PLXNA2: variants seen among roughly 807,000 people sequenced by gnomAD.
The protein encoded by PLXNA2 is plexin A2.
In PLXNA2, 91 loss-of-function variants were observed where a neutral mutation model predicts 193.5. The ratio of observed to expected loss-of-function variants is 0.47; its 90% CI spans 0.40 to 0.56. The LOEUF (loss-of-function observed/expected upper bound fraction) is 0.56. PLXNA2 is among the 20% of genes least tolerant of loss of function. The pLI is 0.00. For synonymous variants in PLXNA2, 997 were observed against 1,027.3 expected (o/e 0.97, Z 0.56); for missense variants, 1,995 against 2,503.2 (o/e 0.80, Z 4.33).
chr1:208,114,294 C>G (rs1477267093), intron 4 of PLXNA2, among the ~76,000 whole-genome samples: 1 of 152,188 alleles, frequency 6.6e-6, no homozygotes, highest in Non-Finnish European at 1.5e-5. Context: ...CTTGATACTT[C>G]CCTTAGAATC....
intron 4 of PLXNA2, among the ~76,000 whole-genome samples, chr1:208,119,801 G>C (rs1475300438): frequency 6.6e-6 from 1 of 152,182 alleles, no homozygotes; most frequent in African/African-American, 2.4e-5. Flanking sequence ...TTTTAGTAGA[G>C]ATGGGGTTTC....
chr1:208,217,077 C>T lies in PLXNA2; in HGVS notation c.846G>A (p.Arg282=). ...GGAACTTGGGGTCATCCTTGCAGAG[C>T]CGCACGATGCGTGAGGTGTAGAAGA... ...GDLFYTSRIV[R]LCKDDPKFHS... The change falls in exon 2 of 32, where the codon CGG becomes CGA. Residue 282 remains arginine, a synonymous_variant. Transcript: ENST00000367033. This position sits in a 1 kb window ranked among gnomAD's most constrained non-coding sequence, Gnocchi z 4.7. 1.9e-6 allele frequency: 3 copies of T among 1,614,070 alleles called. No homozygotes were observed. Among genetic ancestry groups the T allele is most frequent in the Middle Eastern group, 1.6e-4 (1 of 6,062 alleles).
chr1:208,046,171 G>C, intron 17 of PLXNA2, 54 bp from the exon 18 acceptor site: 2 of 1,566,890 alleles, frequency 1.3e-6, no homozygotes, highest in Non-Finnish European at 1.7e-6. Context: ...ACAGAGCCCA[G>C]GGGCCCACAG....
intron 1 of PLXNA2, among the ~76,000 whole-genome samples, chr1:208,225,536 C>A (rs958761003): frequency 6.6e-6 from 1 of 152,168 alleles, no homozygotes; most frequent in African/African-American, 2.4e-5. Flanking sequence ...TGGTCTTGAA[C>A]TCCTGGGCTC....
At chr1:208,241,538 AC>A (rs1672051337) in intron 1 of PLXNA2, among the ~76,000 whole-genome samples, 2 of 152,172 alleles carry the variant, frequency 1.3e-5, no homozygotes, top group Non-Finnish European at 2.9e-5. Context: ...AAAAAGAAGG[AC>A]CAGCTGGGAT....
intron 6 of PLXNA2, among the ~76,000 whole-genome samples, chr1:208,098,564 T>C (rs1666992961): frequency 6.6e-6 from 1 of 151,966 alleles, no homozygotes; most frequent in African/African-American, 2.4e-5. Flanking sequence ...AAAGAATGTG[T>C]TATTTGGTAT....
At chr1:208,105,078 C>T (rs1667219292) in intron 4 of PLXNA2, among the ~76,000 whole-genome samples, 1 of 152,138 alleles carries the variant, frequency 6.6e-6, no homozygotes, top group Non-Finnish European at 1.5e-5. Flanking sequence ...AGAGAAGCCA[C>T]CCCCCACTGT....
At chr1:208,102,176 T>TTCCC (rs753512010) in intron 5 of PLXNA2, among the ~76,000 whole-genome samples, 4 of 152,210 alleles carry the variant, frequency 2.6e-5, no homozygotes, top group Non-Finnish European at 5.9e-5. Context: ...AGGCACCAGC[T>TTCCC]TCCCTCCCTC....
intron 3 of PLXNA2, among the ~76,000 whole-genome samples, chr1:208,162,072 G>A (rs1669123404): frequency 6.6e-6 from 1 of 152,136 alleles, no homozygotes; most frequent in Non-Finnish European, 1.5e-5. Context: ...CGTAAATCCT[G>A]CTTGTAGCTC....
intron 1 of PLXNA2, among the ~76,000 whole-genome samples, chr1:208,219,136 C>T (rs1671238974): frequency 6.6e-6 from 1 of 152,202 alleles, no homozygotes; most frequent in African/African-American, 2.4e-5. Flanking sequence ...CCCCCTGCCT[C>T]CTGACTCCCA....
intron 20 of PLXNA2, among the ~76,000 whole-genome samples, chr1:208,043,704 C>T (rs975311873): frequency 6.6e-6 from 1 of 152,228 alleles, no homozygotes; most frequent in Admixed American, 6.5e-5. Flanking sequence ...GGTGGTGGCA[C>T]ACCTGTCTTC....
chr1:208,092,421 G>A (rs145930055), intron 9 of PLXNA2, among the ~76,000 whole-genome samples: 8 of 152,332 alleles, frequency 5.3e-5, no homozygotes, highest in Admixed American at 2.6e-4. Flanking sequence ...GACTATGTCT[G>A]CAGCCAAGCA....
At chr1:208,144,004 C>T (rs1385638108) in intron 3 of PLXNA2, among the ~76,000 whole-genome samples, 1 of 152,228 alleles carries the variant, frequency 6.6e-6, no homozygotes, top group Admixed American at 6.5e-5. Flanking sequence ...CACCAACTGA[C>T]AGCATATCCT....
chr1:208,118,614 A>T (rs1277371371), intron 4 of PLXNA2, among the ~76,000 whole-genome samples: 1 of 152,068 alleles, frequency 6.6e-6, no homozygotes, highest in Non-Finnish European at 1.5e-5. Flanking sequence ...GACTGTTCAA[A>T]TCTACCTTCC....
intron 3 of PLXNA2, among the ~76,000 whole-genome samples, chr1:208,179,854 C>G (rs1669780094): frequency 6.6e-6 from 1 of 152,184 alleles, no homozygotes; most frequent in Non-Finnish European, 1.5e-5. Flanking sequence ...CATCTTCCTT[C>G]TACAGTATCC....
intron 1 of PLXNA2, among the ~76,000 whole-genome samples, chr1:208,223,049 G>A (rs999961065): frequency 4.6e-5 from 7 of 152,146 alleles, no homozygotes; most frequent in Admixed American, 1.3e-4. Context: ...GGGAAAAGAT[G>A]AGCATGAAAA....
At chr1:208,093,466 A>G (rs1666777949) in intron 8 of PLXNA2, among the ~76,000 whole-genome samples, 1 of 152,224 alleles carries the variant, frequency 6.6e-6, no homozygotes, top group Non-Finnish European at 1.5e-5. Context: ...CGCCTGTAAT[A>G]AAACATTCCT....
intron 2 of PLXNA2, among the ~76,000 whole-genome samples, chr1:208,215,143 G>T (rs1478807887): frequency 2.6e-5 from 4 of 152,052 alleles, no homozygotes; most frequent in Non-Finnish European, 4.4e-5. Flanking sequence ...CTACAGGTGT[G>T]CATCACCACA....
At position 208,074,193 on chromosome 1, in the gene PLXNA2, T is replaced by C. The variant is rs143362475; in HGVS notation, c.2586+5067A>G. Reference sequence around the variant, plus strand: ...CTCATGGCCCCTTAAGAAATGTTTTTCTCTGGGCCTTCCTTTCCAGTCTGT... The same window carrying C: ...CTCATGGCCCCTTAAGAAATGTTTTCCTCTGGGCCTTCCTTTCCAGTCTGT... On this transcript the variant is annotated intron_variant, in intron 12 of 31. Transcript: ENST00000367033. Among the ~76,000 whole-genome samples, 440 of 152,320 alleles carry C rather than the reference T, an allele frequency of 2.9e-3. 4 individuals carry two copies. The highest frequency in any genetic ancestry group is 0.01 in the African/African-American group (422 of 41,572).
Sources: allele counts gnomAD v4.1 joint callset (sites outside exome capture counted in the v4.1 genomes callset), GRCh38; gene constraint gnomAD v4.1.1; non-coding constraint Gnocchi (gnomAD v3.1); transcripts MANE v1.5; gene names NCBI Gene and HGNC (gene_info 2026-07-23, HGNC 2026-07-21).